PLCB4: variants seen among roughly 807,000 people sequenced by gnomAD.
PLCB4 encodes the protein phospholipase C beta 4.
Under a neutral mutation model 178.8 loss-of-function variants are expected in PLCB4, and 77 were observed. That is an observed-to-expected ratio of 0.43 (90% CI 0.36 to 0.52). The LOEUF (loss-of-function observed/expected upper bound fraction) is 0.52, where lower values mean the gene tolerates loss of function less well. Among genes scored for constraint, PLCB4 ranks in the 20% least tolerant of loss-of-function variants. The pLI, the probability that PLCB4 is intolerant of heterozygous loss-of-function variation, is 0.00. For missense variants in PLCB4, 1,024 were observed against 1,453.4 expected (o/e 0.70, Z 4.80); for synonymous variants, 496 against 490.8 (o/e 1.01, Z -0.14).
rs869216944 is a variant in PLCB4, at chr20:9,342,656, GT to G, written c.369+3633del. On this transcript the variant is annotated intron_variant, in intron 7 of 39. Transcript: ENST00000378473. ...TGTTGCGTGGCTTTTATGTTTTGGGGTTTTTTTTTTTTTTCCCCCTGTACTT... is the reference window on the plus strand; with the variant it reads ...TGTTGCGTGGCTTTTATGTTTTGGGGTTTTTTTTTTTTTCCCCCTGTACTT... 7.0e-3 allele frequency among the ~76,000 whole-genome samples: 879 copies of G among 125,766 alleles called. 2 individuals carry two copies. Among genetic ancestry groups the G allele is most frequent in the South Asian group, 0.019 (79 of 4,072 alleles). 82.5% of individuals were successfully genotyped at this position (125,766 alleles called of 152,430 possible). A position where few individuals can be genotyped will look rare whatever the true frequency, so the allele number is the denominator to read the frequency against.
chr20:9,086,392 C>T (rs1218379620), intron 1 of PLCB4, among the ~76,000 whole-genome samples: 3 of 151,922 alleles, frequency 2.0e-5, no homozygotes, highest in East Asian at 3.9e-4. Context: ...TGGTTGTGAG[C>T]GTGTATGATG....
chr20:9,194,012 A>T (rs1183357366), intron 2 of PLCB4, among the ~76,000 whole-genome samples: 8 of 151,928 alleles, frequency 5.3e-5, no homozygotes, highest in South Asian at 2.1e-4. Context: ...TTTTTTTTTA[A>T]AAAAAATTGG....
rs142884843 is a variant in PLCB4 at position 9,389,509 on chromosome 20, C to T, written c.1159-370C>T. Among the ~76,000 whole-genome samples the T allele has an allele frequency of 3.3e-5, 5 of 152,206 alleles. No individual in the cohort carries two copies. In the East Asian group the frequency reaches 7.7e-4, roughly 24 times the overall value. ...AGGTGGGGAGGAGTCATACAGTGGT[C>T]GGGAGTGAAAACCTCTGTGCCAGAG... On this transcript the variant is annotated intron_variant, in intron 15 of 39. Transcript: ENST00000378473.
chr20:9,364,156 T>C (rs948253198), intron 8 of PLCB4, among the ~76,000 whole-genome samples: 2 of 152,250 alleles, frequency 1.3e-5, no homozygotes, highest in Non-Finnish European at 2.9e-5. Context: ...GTGCAGCTGC[T>C]TCTTCTTTTC....
At chr20:9,186,295 T>C (rs1454892713) in intron 2 of PLCB4, among the ~76,000 whole-genome samples, 2 of 152,212 alleles carry the variant, frequency 1.3e-5, no homozygotes, top group Non-Finnish European at 2.9e-5. Flanking sequence ...AAGAAAGTTT[T>C]TTAAAAAATA....
At chr20:9,069,612 A>G (rs1301825930) in intron 1 of PLCB4, among the ~76,000 whole-genome samples, 1 of 152,210 alleles carries the variant, frequency 6.6e-6, no homozygotes, top group African/African-American at 2.4e-5. Flanking sequence ...CACTTAAAAC[A>G]ACACTGACAG....
At chr20:9,166,119 T>TA (rs1252702058) in intron 2 of PLCB4, among the ~76,000 whole-genome samples, 1 of 152,170 alleles carries the variant, frequency 6.6e-6, no homozygotes, top group Non-Finnish European at 1.5e-5. Flanking sequence ...TATAACCAAG[T>TA]TACTACATTT....
At chr20:9,289,167 A>C (rs1327877037) in intron 3 of PLCB4, among the ~76,000 whole-genome samples, 1 of 152,158 alleles carries the variant, frequency 6.6e-6, no homozygotes, top group Non-Finnish European at 1.5e-5. Flanking sequence ...TATATATACA[A>C]TGGCTTAATC....
chr20:9,341,378 AAC>A (rs2033175448), intron 7 of PLCB4, among the ~76,000 whole-genome samples: 1 of 152,180 alleles, frequency 6.6e-6, no homozygotes, highest in South Asian at 2.1e-4. Context: ...TGATAATATT[AAC>A]AGTCAATTCA....
intron 17 of PLCB4, among the ~76,000 whole-genome samples, chr20:9,393,366 T>G (rs946254632): frequency 1.3e-5 from 2 of 152,110 alleles, no homozygotes; most frequent in Non-Finnish European, 2.9e-5. Flanking sequence ...TCTGCACACC[T>G]CTGGAAACTA....
chr20:9,212,062 A>C (rs2093678861), intron 2 of PLCB4, among the ~76,000 whole-genome samples: 1 of 152,190 alleles, frequency 6.6e-6, no homozygotes, highest in Non-Finnish European at 1.5e-5. Context: ...TATCTTTTGA[A>C]TGTGGGCTTG....
chr20:9,431,623 A>C (rs533820819), intron 28 of PLCB4, among the ~76,000 whole-genome samples: 1 of 150,306 alleles, frequency 6.7e-6, no homozygotes, highest in East Asian at 2.0e-4. Context: ...GCACCACCAC[A>C]CGGGGCCAAT....
At chr20:9,384,111 T>C (rs1473648460) in intron 13 of PLCB4, 90 bp from the exon 14 acceptor site, 6 of 968,598 alleles carry the variant, frequency 6.2e-6, no homozygotes, top group East Asian at 2.4e-5. Context: ...TTTACTCTTA[T>C]AATTTAAGCT....
chr20:9,352,511 G>C (rs975702043), intron 7 of PLCB4, among the ~76,000 whole-genome samples: 3 of 152,198 alleles, frequency 2.0e-5, no homozygotes, highest in Admixed American at 6.5e-5. Context: ...TGGGACTGCA[G>C]CTTCTGAACA....
intron 28 of PLCB4, among the ~76,000 whole-genome samples, chr20:9,431,650 TTGTGTGTGTGTG>T (rs3037096): frequency 2.8e-5 from 4 of 144,160 alleles, no homozygotes; most frequent in African/African-American, 7.7e-5. Context: ...GTGTGTGTGT[TTGTGTGTGTGTG>T]TGTGTGTGTG....
At chr20:9,471,977 C>T (rs1010431585) in intron 36 of PLCB4, among the ~76,000 whole-genome samples, 1 of 152,164 alleles carries the variant, frequency 6.6e-6, no homozygotes, top group African/African-American at 2.4e-5. Flanking sequence ...ATTACAGGGC[C>T]CACGCACCCG....
At chr20:9,381,803 A>G (rs1365677727) in intron 13 of PLCB4, among the ~76,000 whole-genome samples, 1 of 152,206 alleles carries the variant, frequency 6.6e-6, no homozygotes, top group African/African-American at 2.4e-5. Flanking sequence ...TATGCCTCTT[A>G]TACAGCCCAG....
At chr20:9,385,965 A>T (rs1469571688) in intron 14 of PLCB4, among the ~76,000 whole-genome samples, 2 of 152,200 alleles carry the variant, frequency 1.3e-5, no homozygotes, top group Non-Finnish European at 2.9e-5. Context: ...CCTGGGCAAC[A>T]CTGAGCATTG....
At chr20:9,286,007 G>A (rs2094533636) in intron 3 of PLCB4, among the ~76,000 whole-genome samples, 1 of 152,056 alleles carries the variant, frequency 6.6e-6, no homozygotes, top group Non-Finnish European at 1.5e-5. Flanking sequence ...TTGAAATATA[G>A]TTTGTGGGAT....
Sources: allele counts gnomAD v4.1 joint callset (sites outside exome capture counted in the v4.1 genomes callset), GRCh38; gene constraint gnomAD v4.1.1; transcripts MANE v1.5; gene names NCBI Gene and HGNC (gene_info 2026-07-23, HGNC 2026-07-21).